Variants in OSTF1 observed in about 807,000 individuals in gnomAD.
The protein encoded by OSTF1 is osteoclast stimulating factor 1.
A neutral mutation model predicts 37.2 loss-of-function variants in OSTF1; 27 were observed. That is an observed-to-expected ratio of 0.73 (90% CI 0.54 to 1.00). The LOEUF is 1.00. OSTF1 is among the 50% of genes least tolerant of loss of function. OSTF1 has a pLI of 0.00. For missense variants in OSTF1, 232 were observed against 253.8 expected (o/e 0.91, Z 0.58); for synonymous variants, 82 against 89.2 (o/e 0.92, Z 0.46).
chr9:75,145,770 C>T (rs1826013996), intron 9 of OSTF1, among the ~76,000 whole-genome samples: 1 of 152,132 alleles, frequency 6.6e-6, no homozygotes, highest in African/African-American at 2.4e-5. Context: ...CAATTAGTAG[C>T]TTTATCAATA....
chr9:75,120,985 C>T (rs764392282), intron 2 of OSTF1, among the ~76,000 whole-genome samples: 8 of 152,210 alleles, frequency 5.3e-5, no homozygotes, highest in Non-Finnish European at 1.0e-4. Context: ...AACTTCCACA[C>T]GTGGTATTTC....
chr9:75,141,312 C>CAAAAAAAAAAAAAAA (rs529293090), intron 9 of OSTF1, among the ~76,000 whole-genome samples: 97 of 71,668 alleles, frequency 1.4e-3, no homozygotes, highest in South Asian at 3.4e-3. Context: ...AAAAGAAAAC[C>CAAAAAAAAAAAAAAA]AAAAAAAAAA....
chr9:75,099,189 C>T (rs183259877), intron 1 of OSTF1, among the ~76,000 whole-genome samples: 38 of 152,038 alleles, frequency 2.5e-4, no homozygotes, highest in African/African-American at 7.7e-4. Context: ...CCATCCACCT[C>T]GGCCTCCCAA....
intron 8 of OSTF1, among the ~76,000 whole-genome samples, chr9:75,140,317 A>G (rs1825919267): frequency 6.6e-6 from 1 of 152,262 alleles, no homozygotes; most frequent in African/African-American, 2.4e-5. Context: ...ATGCAAATGT[A>G]TTCATGAATT....
chr9:75,137,273 A>G (rs566009689), intron 7 of OSTF1, among the ~76,000 whole-genome samples: 1 of 151,988 alleles, frequency 6.6e-6, no homozygotes, highest in East Asian at 1.9e-4. Context: ...TTCCTCCTGG[A>G]TCTCCCTCCG....
rs1173233543 is a variant in OSTF1, at chr9:75,115,645, G to GTT, written c.35-1850_35-1849dup. ...TTAAAAGAGGACCCCCCCTTTTTTT[G>GTT]TTTTTTTTTTGTTTTTTGTTTTTTT... On this transcript the variant is annotated intron_variant, in intron 1 of 9. Coordinates refer to ENST00000346234, the MANE Select transcript of OSTF1 (RefSeq NM_012383.5). 8.6e-3 allele frequency among the ~76,000 whole-genome samples: 701 copies of GTT among 81,220 alleles called. 4 individuals carry two copies. The highest frequency in any genetic ancestry group is 0.027 in the African/African-American group (652 of 24,024). The allele number at this position is 81,220 out of a possible 152,430, so 53.3% of individuals were successfully genotyped here. A position where few individuals can be genotyped will look rare whatever the true frequency, so the allele number is the denominator to read the frequency against.
At chr9:75,142,332 C>T (rs17060866) in intron 9 of OSTF1, among the ~76,000 whole-genome samples, 21,420 of 151,946 alleles carry the variant, frequency 0.14, 2,334 homozygotes, top group African/African-American at 0.31. Flanking sequence ...TGCTTGAGTT[C>T]GACCTCCTAC....
chr9:75,104,749 C>T (rs986665412), intron 1 of OSTF1, among the ~76,000 whole-genome samples: 2 of 152,118 alleles, frequency 1.3e-5, no homozygotes, highest in African/African-American at 4.8e-5. Context: ...TCAGGAACTG[C>T]GCTCAGTATT....
intron 8 of OSTF1, among the ~76,000 whole-genome samples, chr9:75,139,218 G>C (rs1564169947): frequency 1.4e-5 from 2 of 143,878 alleles, no homozygotes; most frequent in African/African-American, 5.0e-5. Flanking sequence ...AATTTTTGTA[G>C]AGATGGAGTT....
At chr9:75,123,315 C>T (rs1332173521) in intron 2 of OSTF1, among the ~76,000 whole-genome samples, 3 of 152,082 alleles carry the variant, frequency 2.0e-5, no homozygotes, top group Non-Finnish European at 4.4e-5. Context: ...CCAGCTACTC[C>T]GGAGGCTGAG....
intron 1 of OSTF1, among the ~76,000 whole-genome samples, chr9:75,096,004 G>A (rs1269014978): frequency 6.6e-6 from 1 of 151,808 alleles, no homozygotes; most frequent in Admixed American, 6.6e-5. Flanking sequence ...CCATTCTCCT[G>A]CCTCAGCCTC....
intron 7 of OSTF1, 64 bp downstream of exon 7, chr9:75,134,459 C>T (rs1339452313): frequency 1.0e-5 from 8 of 784,856 alleles, no homozygotes; most frequent in Non-Finnish European, 1.7e-5. Context: ...TACAGAGCAA[C>T]TCATGGGCAT....
chr9:75,117,823 C>T (rs750433098), intron 2 of OSTF1, among the ~76,000 whole-genome samples: 10 of 152,182 alleles, frequency 6.6e-5, no homozygotes, highest in Admixed American at 2.6e-4. Context: ...TAAAGCACAG[C>T]GACCCTGTCT....
chr9:75,145,560 T>G (rs1057184259), intron 9 of OSTF1, among the ~76,000 whole-genome samples: 9 of 152,226 alleles, frequency 5.9e-5, no homozygotes, highest in African/African-American at 2.2e-4. Context: ...TGGAACATTC[T>G]ATTAGGAAAA....
chr9:75,091,868 G>A (rs1824981607), intron 1 of OSTF1, among the ~76,000 whole-genome samples: 1 of 152,210 alleles, frequency 6.6e-6, no homozygotes, highest in Non-Finnish European at 1.5e-5. Context: ...AAGATTCATA[G>A]TGCTCATAAA....
At chr9:75,129,731 A>G (rs1414423584) in intron 3 of OSTF1, among the ~76,000 whole-genome samples, 1 of 152,212 alleles carries the variant, frequency 6.6e-6, no homozygotes, top group African/African-American at 2.4e-5. Flanking sequence ...TCTTCAACAA[A>G]TACATTGTAA....
chr9:75,139,054 C>CTTTCTTTTCTTCTTT (rs1465270702), intron 8 of OSTF1, among the ~76,000 whole-genome samples: 1 of 109,512 alleles, frequency 9.1e-6, no homozygotes, highest in Non-Finnish European at 2.0e-5. Context: ...TTCTTTCTTT[C>CTTTCTTTTCTTCTTT]TTTTTTTTTT....
At chr9:75,138,993 A>G (rs1287092963) in intron 8 of OSTF1, among the ~76,000 whole-genome samples, 1 of 129,040 alleles carries the variant, frequency 7.7e-6, no homozygotes, top group Non-Finnish European at 1.7e-5. Flanking sequence ...TTTTTTCTTG[A>G]TGCAATATTT....
rs988785765 is a variant in OSTF1, at chr9:75,131,141, G to A, written c.196+500G>A. On this transcript the variant is annotated intron_variant, in intron 4 of 9. Transcript: ENST00000346234. ...AAACAGATAAAACACTTGTTTAGTTGTCAGCAGAATCAAGTCAAAAGAGCA... is the reference window on the plus strand; with the variant it reads ...AAACAGATAAAACACTTGTTTAGTTATCAGCAGAATCAAGTCAAAAGAGCA... Among the ~76,000 whole-genome samples, 15 of 152,336 alleles carry A rather than the reference G, an allele frequency of 9.8e-5. No individual in the cohort carries two copies. In the South Asian group the frequency reaches 3.1e-3, roughly 32 times the overall value.
Sources: allele counts gnomAD v4.1 joint callset (sites outside exome capture counted in the v4.1 genomes callset), GRCh38; gene constraint gnomAD v4.1.1; transcripts MANE v1.5; gene names NCBI Gene and HGNC (gene_info 2026-07-23, HGNC 2026-07-21).